GYPE: variants seen among roughly 807,000 people sequenced by gnomAD.
GYPE encodes the protein glycophorin E (MNS blood group).
GYPE carries 8 observed loss-of-function variants against 11.6 expected under a neutral mutation model. The ratio of observed to expected loss-of-function variants is 0.69; its 90% CI spans 0.41 to 1.25. The LOEUF (loss-of-function observed/expected upper bound fraction) is 1.25. Ranked by LOEUF, GYPE falls within the 50% of genes most tolerant of loss-of-function variation. The pLI, the probability that GYPE is intolerant of heterozygous loss-of-function variation, is 0.01. For synonymous variants in GYPE, 28 were observed against 29.6 expected, an observed-to-expected ratio of 0.94 and a Z score of 0.18; for missense variants, 90 against 92.8, an observed-to-expected ratio of 0.97 and a Z score of 0.12.
intron 1 of GYPE, among the ~76,000 whole-genome samples, chr4:143,899,235 G>A (rs1744774357): frequency 6.7e-6 from 1 of 150,206 alleles, no homozygotes; most frequent in African/African-American, 2.5e-5. Flanking sequence ...AGCCAATCCT[G>A]GAACATCACT....
intron 1 of GYPE, among the ~76,000 whole-genome samples, chr4:143,897,031 T>G (rs1174539978): frequency 6.6e-6 from 1 of 151,922 alleles, no homozygotes; most frequent in Admixed American, 6.6e-5. Context: ...GGGGGAGGGA[T>G]AGCATTAAGA....
At chr4:143,891,013 G>C (rs1464213582) in intron 1 of GYPE, among the ~76,000 whole-genome samples, 11 of 152,020 alleles carry the variant, frequency 7.2e-5, no homozygotes, top group Admixed American at 2.6e-4. Flanking sequence ...ATTTAGATTG[G>C]AAATCTTTAG....
intron 1 of GYPE, among the ~76,000 whole-genome samples, chr4:143,891,693 T>C (rs533606553): frequency 1.3e-5 from 2 of 152,278 alleles, no homozygotes; most frequent in South Asian, 2.1e-4. Flanking sequence ...TATACAAAAC[T>C]AGGGTGCCGG....
At chr4:143,880,953 C>A (rs1182724027) in intron 1 of GYPE, among the ~76,000 whole-genome samples, 1 of 152,064 alleles carries the variant, frequency 6.6e-6, no homozygotes, top group South Asian at 2.1e-4. Context: ...CTTGAAGTTG[C>A]ATTTTGGAAA....
intron 1 of GYPE, among the ~76,000 whole-genome samples, chr4:143,883,819 A>T (rs1400148399): frequency 3.9e-5 from 6 of 151,964 alleles, no homozygotes; most frequent in Admixed American, 1.3e-4. Context: ...TACTTTTGCT[A>T]ACATAAGAAA....
At chr4:143,889,527 TA>T (rs1424636858) in intron 1 of GYPE, among the ~76,000 whole-genome samples, 2 of 152,088 alleles carry the variant, frequency 1.3e-5, no homozygotes, top group African/African-American at 2.4e-5. Flanking sequence ...TTTTAAACTT[TA>T]AAAAAAGTTT....
At position 143,883,240 on chromosome 4, in the gene GYPE, C is replaced by T. The variant is rs543792040; in HGVS notation, c.38-2731G>A. 6.4e-4 allele frequency among the ~76,000 whole-genome samples: 97 copies of T among 152,118 alleles called. 1 individual carries two copies. Among genetic ancestry groups the T allele is most frequent in the African/African-American group, 2.2e-3 (90 of 41,486 alleles). ...CCGACTCTCTCTCTTGCTCTTGTTC[C>T]AGGCATGTAAGACGTGCCTACTTTC... On this transcript the variant is annotated intron_variant, in intron 1 of 3. Coordinates refer to ENST00000358615, the MANE Select transcript of GYPE (RefSeq NM_198682.3).
intron 3 of GYPE, chr4:143,873,560 T>C: frequency 2.3e-6 from 1 of 428,144 alleles, no homozygotes; most frequent in Admixed American, 2.6e-5. Context: ...TTCTCTAATA[T>C]ATGATGCTCT....
Position 143,872,113 on chromosome 4 carries a change from G to C in GYPE, c.*149C>G, listed in dbSNP as rs1216035919. On this transcript the variant is annotated 3_prime_UTR_variant, in exon 4 of 4. Coordinates refer to ENST00000358615, the MANE Select transcript of GYPE (RefSeq NM_198682.3). The stretch of plus-strand genomic sequence containing the variant: ...CTCAGCATTTAGTTTCTGACTCCTA[G>C]AGTCCCTTAGTAGCCAGTCAACGTA... The C allele has an allele frequency of 6.6e-6, 1 of 152,456 alleles. No homozygotes were observed. The allele number at this position is 152,456 out of a possible 1,614,324, so 9.4% of individuals were successfully genotyped here.
chr4:143,878,915 T>C (rs549168200), intron 2 of GYPE, among the ~76,000 whole-genome samples: 1 of 152,268 alleles, frequency 6.6e-6, no homozygotes, highest in South Asian at 2.1e-4. Flanking sequence ...AATAAGCAAA[T>C]TGTCTTATAA....
At chr4:143,902,704 A>G (rs1744916193) in intron 1 of GYPE, among the ~76,000 whole-genome samples, 1 of 151,904 alleles carries the variant, frequency 6.6e-6, no homozygotes, top group African/African-American at 2.4e-5. Flanking sequence ...ATAAATACCA[A>G]TCGGGAACTG....
chr4:143,896,822 C>T (rs553148582), intron 1 of GYPE, among the ~76,000 whole-genome samples: 83 of 152,214 alleles, frequency 5.5e-4, no homozygotes, highest in African/African-American at 1.6e-3. Flanking sequence ...GAATAATATG[C>T]GGCCATAAAA....
chr4:143,895,470 A>C (rs1314412440), intron 1 of GYPE, among the ~76,000 whole-genome samples: 1 of 150,164 alleles, frequency 6.7e-6, no homozygotes, highest in African/African-American at 2.4e-5. Flanking sequence ...GACCTCTTCA[A>C]GGAGAACTAC....
At chr4:143,879,884 G>A (rs917208285) in intron 2 of GYPE, among the ~76,000 whole-genome samples, 14 of 152,070 alleles carry the variant, frequency 9.2e-5, no homozygotes, top group African/African-American at 3.4e-4. Context: ...ACCCAGCTTT[G>A]CTTATTGTTT....
chr4:143,900,624 T>A (rs1476210377), intron 1 of GYPE, among the ~76,000 whole-genome samples: 1 of 151,018 alleles, frequency 6.6e-6, no homozygotes, highest in Non-Finnish European at 1.5e-5. Flanking sequence ...AAATGTGATA[T>A]ACCAACACAA....
chr4:143,877,507 TA>T (rs1352148478), intron 2 of GYPE, among the ~76,000 whole-genome samples: 3 of 152,208 alleles, frequency 2.0e-5, no homozygotes, highest in Non-Finnish European at 4.4e-5. Context: ...TGAAACAACT[TA>T]AATCAAGTAA....
In GYPE at chr4:143,882,644, A is replaced by C. The variant is rs181004080; in HGVS notation, c.38-2135T>G. Among the ~76,000 whole-genome samples the C allele has an allele frequency of 2.0e-5, 3 of 152,328 alleles. No homozygotes were observed. The East Asian group carries it at 5.8e-4, about 29-fold the overall frequency. ...TTTGGCTCAGCTACATGGGAATACA[A>C]CTGGAAAAGGCAGCTGGAGCTCTCA... is the stretch of plus-strand genomic sequence containing the variant. On this transcript the variant is annotated intron_variant, in intron 1 of 3. Transcript: ENST00000358615.
chr4:143,881,977 A>G (rs6819885), intron 1 of GYPE, among the ~76,000 whole-genome samples: 38,324 of 151,298 alleles, frequency 0.25, 5,037 homozygotes, highest in East Asian at 0.36. Flanking sequence ...CTACTCAAGG[A>G]AAGAGTTCTA....
rs1743624878 is a variant in GYPE, at chr4:143,871,642, T to G, written c.*620A>C. On this transcript the variant is annotated 3_prime_UTR_variant, in exon 4 of 4. Transcript: ENST00000358615. ...ATGAAGAAAAGGAGAAGGATGCACT[T>G]CATTCTTAGAATCTAAGCAGGAACA... The G allele has an allele frequency of 6.6e-6, 1 of 152,150 alleles. No individual in the cohort carries two copies. Among genetic ancestry groups the G allele is most frequent in the South Asian group, 2.1e-4 (1 of 4,828 alleles). 9.4% of individuals were successfully genotyped at this position (152,150 alleles called of 1,614,324 possible).
Sources: allele counts gnomAD v4.1 joint callset (sites outside exome capture counted in the v4.1 genomes callset), GRCh38; gene constraint gnomAD v4.1.1; transcripts MANE v1.5; gene names NCBI Gene and HGNC (gene_info 2026-07-23, HGNC 2026-07-21).